The following ADAM28 variants were observed in gnomAD, a reference collection of about 807,000 sequenced individuals.
ADAM28 encodes the protein ADAM metallopeptidase domain 28.
A neutral mutation model predicts 101.2 loss-of-function variants in ADAM28; 105 were observed. The ratio of observed to expected loss-of-function variants is 1.04; its 90% CI spans 0.89 to 1.22. The LOEUF (loss-of-function observed/expected upper bound fraction) is 1.22. Among genes scored for constraint, ADAM28 ranks in the 50% most tolerant of loss-of-function variants. The pLI is 0.00. For missense variants in ADAM28, 1,028 were observed against 945.4 expected (o/e 1.09, Z -1.15); for synonymous variants, 322 against 310.6 (o/e 1.04, Z -0.39).
chr8:24,295,181 A>G (rs1807796760), intron 1 of ADAM28, among the ~76,000 whole-genome samples: 1 of 152,138 alleles, frequency 6.6e-6, no homozygotes, highest in South Asian at 2.1e-4. Context: ...TAAAAATTTC[A>G]CTTAACCTAA....
At chr8:24,298,662 T>TA (rs1329419583) in intron 1 of ADAM28, among the ~76,000 whole-genome samples, 1 of 152,180 alleles carries the variant, frequency 6.6e-6, no homozygotes, top group Non-Finnish European at 1.5e-5. Context: ...GAGACCCTCC[T>TA]AGTCCTTACT....
At chr8:24,348,162 G>A (rs150186034) in intron 18 of ADAM28, among the ~76,000 whole-genome samples, 1 of 151,870 alleles carries the variant, frequency 6.6e-6, no homozygotes, top group Non-Finnish European at 1.5e-5. Context: ...TGGATGTTAT[G>A]CATTTCTTTT....
At position 24,328,488 on chromosome 8, in the gene ADAM28, T is replaced by G. The variant is rs117766932; in HGVS notation, c.973-1497T>G. 7.8e-4 allele frequency among the ~76,000 whole-genome samples: 119 copies of G among 152,066 alleles called. 3 individuals are homozygous for G. In the East Asian group the frequency reaches 0.019, roughly 24 times the overall value. ...GAAGTAAAATACATATTTTCAAACT[T>G]GAAATAGCTTGCCATAAAATTGGAA... On this transcript the variant is annotated intron_variant, in intron 10 of 22. Transcript: ENST00000265769.
At chr8:24,350,120 C>G (rs758980727) in intron 19 of ADAM28, 148 bp downstream of exon 19, 219 of 641,866 alleles carry the variant, frequency 3.4e-4, no homozygotes, top group Non-Finnish European at 5.1e-4. Context: ...GGACGAGAAA[C>G]TGGGTTTCCC....
intron 7 of ADAM28, among the ~76,000 whole-genome samples, chr8:24,320,949 T>C (rs560613745): frequency 6.6e-6 from 1 of 152,036 alleles, no homozygotes; most frequent in East Asian, 1.9e-4. Context: ...TAGAAAACCA[T>C]AGAATTTAAG....
intron 2 of ADAM28, among the ~76,000 whole-genome samples, chr8:24,303,489 C>T (rs1809118258): frequency 6.6e-6 from 1 of 152,138 alleles, no homozygotes; most frequent in African/African-American, 2.4e-5. Context: ...CTATCCATTT[C>T]CATTGGTCTA....
chr8:24,341,704 A>C lies in ADAM28; in HGVS notation c.1777A>C (p.Thr593Pro), dbSNP rs1318405902. Residue 593 changes from threonine (T) to proline (P), a missense_variant, in exon 16 of 23, where the codon ACA becomes CCA. By Grantham distance (38) the Thr-to-Pro change is conservative (BLOSUM62 -1). Transcript: ENST00000265769. ...ATGTAAAACATTTGATCCTGAAGAC[A>C]CAAGTCAAGAAATAGGCATGGTGGC... is the stretch of plus-strand genomic sequence containing the variant. Reference protein sequence around the residue: ...LTCKTFDPEDTSQEIGMVANG... With the variant: ...LTCKTFDPEDPSQEIGMVANG... 1.2e-6 allele frequency: 2 copies of C among 1,613,920 alleles called. No homozygotes were observed. Among genetic ancestry groups the C allele is most frequent in the East Asian group, 2.2e-5 (1 of 44,868 alleles).
chr8:24,330,050 A>T lies in ADAM28; in HGVS notation c.1038A>T (p.Gly346=). 6.2e-7 allele frequency: 1 copy of T among 1,613,756 alleles called. No homozygotes were observed. Among genetic ancestry groups the T allele is most frequent in the Non-Finnish European group, 8.5e-7 (1 of 1,179,800 alleles). Residue 346 remains glycine, a synonymous_variant, in exon 11 of 23, where the codon GGA becomes GGT. Transcript: ENST00000265769. Reference sequence around the variant, plus strand: ...CACATGAAATGGGCCACAACTTTGGAATGTTTCATGACGACTATTCTTGCA... The same window carrying T: ...CACATGAAATGGGCCACAACTTTGGTATGTTTCATGACGACTATTCTTGCA... ...TMAHEMGHNF[G]MFHDDYSCKC...
intron 9 of ADAM28, among the ~76,000 whole-genome samples, chr8:24,325,389 A>C (rs1338954805): frequency 6.6e-6 from 1 of 152,002 alleles, no homozygotes; most frequent in African/African-American, 2.4e-5. Flanking sequence ...AGTTAACAAA[A>C]GAGACCTATA....
rs1393006553 is a variant in ADAM28, at chr8:24,356,499, A to G, written c.*2095A>G. The G allele has an allele frequency of 6.6e-6, 1 of 152,150 alleles. No homozygotes were observed. The highest frequency in any genetic ancestry group is 1.9e-4 in the East Asian group (1 of 5,182). 9.4% of individuals were successfully genotyped at this position (152,150 alleles called of 1,614,324 possible). A position where few individuals can be genotyped will look rare whatever the true frequency, so the allele number is the denominator to read the frequency against. On this transcript the variant is annotated 3_prime_UTR_variant, in exon 23 of 23. Coordinates refer to ENST00000265769, the MANE Select transcript of ADAM28 (RefSeq NM_014265.6). ...CTGATGCAGATGCATCATACGTCCT[A>G]TTTGAAGAGAAGAAATGCAGTACAA... is the stretch of plus-strand genomic sequence containing the variant.
chr8:24,329,590 T>C lies in ADAM28; in HGVS notation c.973-395T>C, dbSNP rs1205438477. On this transcript the variant is annotated intron_variant, in intron 10 of 22. Coordinates refer to ENST00000265769, the MANE Select transcript of ADAM28 (RefSeq NM_014265.6). ...GAGAAAGATACAAGTAGAGCTAAAG[T>C]GCTAGGCTGATGAACAATTTTAGAT... is the stretch of plus-strand genomic sequence containing the variant. Among the ~76,000 whole-genome samples, 3 of 152,254 alleles carry C rather than the reference T, an allele frequency of 2.0e-5. No homozygotes were observed. In the East Asian group the frequency reaches 5.8e-4, roughly 29 times the overall value.
At chr8:24,340,022 A>G (rs1396712120) in intron 15 of ADAM28, among the ~76,000 whole-genome samples, 1 of 152,226 alleles carries the variant, frequency 6.6e-6, no homozygotes, top group East Asian at 1.9e-4. Flanking sequence ...CAGTAGAATT[A>G]CATAAAGAAA....
chr8:24,339,413 C>G, intron 14 of ADAM28, 53 bp from the exon 15 acceptor site: 2 of 1,388,748 alleles, frequency 1.4e-6, no homozygotes, highest in Non-Finnish European at 2.0e-6. Flanking sequence ...TCAAGTATCT[C>G]TTGAATCTCA....
intron 8 of ADAM28, among the ~76,000 whole-genome samples, chr8:24,323,627 A>T (rs1001776482): frequency 1.3e-5 from 2 of 151,914 alleles, no homozygotes; most frequent in Non-Finnish European, 1.5e-5. Context: ...TTACGGACCT[A>T]AACTATCTTA....
intron 14 of ADAM28, among the ~76,000 whole-genome samples, chr8:24,338,170 A>G (rs11135792): frequency 0.18 from 26,729 of 152,128 alleles, 2,457 homozygotes; most frequent in East Asian, 0.35. Context: ...TTTTTCAACC[A>G]GCATTTTTTA....
At chr8:24,325,884 A>ACAAACAAAC (rs774257371) in intron 9 of ADAM28, among the ~76,000 whole-genome samples, 2 of 119,612 alleles carry the variant, frequency 1.7e-5, no homozygotes, top group Non-Finnish European at 3.9e-5. Flanking sequence ...AAAAAAAAAA[A>ACAAACAAAC]AAAAAAAAAA....
intron 2 of ADAM28, among the ~76,000 whole-genome samples, chr8:24,308,035 A>G (rs531204101): frequency 2.0e-5 from 3 of 152,312 alleles, no homozygotes; most frequent in South Asian, 4.1e-4. Flanking sequence ...CATCCCAGAA[A>G]CATCCAGGAC....
intron 9 of ADAM28, chr8:24,325,115 T>C (rs1003184220): frequency 1.3e-5 from 2 of 151,946 alleles, no homozygotes; most frequent in African/African-American, 4.8e-5. Flanking sequence ...GAGAGCCCAT[T>C]CTTTGTGGAG....
intron 6 of ADAM28, 87 bp downstream of exon 6, chr8:24,313,667 T>G (rs1465758917): frequency 2.2e-6 from 3 of 1,387,306 alleles, no homozygotes; most frequent in Non-Finnish European, 2.0e-6. Flanking sequence ...GAAACTATAG[T>G]CATTGTCAAA....
Sources: gnomAD v4.1 joint callset for allele counts (sites outside exome capture counted in the v4.1 genomes callset) on GRCh38, gnomAD v4.1.1 for gene constraint, MANE v1.5 for transcripts, NCBI Gene and HGNC (gene_info 2026-07-23, HGNC 2026-07-21) for gene names.